The following ZNF462 variants were observed in gnomAD, a reference collection of about 807,000 sequenced individuals.
The protein encoded by ZNF462 is zinc finger protein 462.
ZNF462 carries 10 observed loss-of-function variants against 201.9 expected under a neutral mutation model. The ratio of observed to expected loss-of-function variants is 0.05; its 90% CI spans 0.03 to 0.08. ZNF462 has a LOEUF of 0.08. Ranked by LOEUF, ZNF462 falls within the 10% of genes least tolerant of loss-of-function variation. ZNF462 has a pLI of 1.00. For missense variants in ZNF462, 2,523 were observed against 3,168.3 expected (o/e 0.80, Z 4.89); for synonymous variants, 1,227 against 1,193.3 (o/e 1.03, Z -0.58).
intron 1 of ZNF462, among the ~76,000 whole-genome samples, chr9:106,894,939 T>C (rs1263156606): frequency 3.3e-5 from 5 of 152,210 alleles, no homozygotes; most frequent in Non-Finnish European, 7.3e-5. Context: ...TACACTTGTT[T>C]CTAGCTGCTA....
chr9:106,946,920 T>C (rs1027175802), intron 7 of ZNF462, among the ~76,000 whole-genome samples: 2 of 152,246 alleles, frequency 1.3e-5, no homozygotes, highest in African/African-American at 4.8e-5. Flanking sequence ...TCTGATTGTA[T>C]GTCCCAGGAA....
intron 1 of ZNF462, among the ~76,000 whole-genome samples, chr9:106,863,876 G>T (rs1386630519): frequency 6.6e-6 from 1 of 151,418 alleles, no homozygotes; most frequent in African/African-American, 2.4e-5. Context: ...GGGAGCGAGC[G>T]AGGGTCAGAG....
chr9:106,941,280 C>G (rs1830859039), intron 7 of ZNF462, among the ~76,000 whole-genome samples: 1 of 152,152 alleles, frequency 6.6e-6, no homozygotes, highest in Admixed American at 6.6e-5. Flanking sequence ...CCTCCGACAA[C>G]TTAAAATCAA....
In ZNF462 at chr9:106,962,487, A is replaced by G. The variant is rs1471622345; in HGVS notation, c.6428-9518A>G. On this transcript the variant is annotated intron_variant, in intron 7 of 12. Coordinates refer to ENST00000277225, the MANE Select transcript of ZNF462 (RefSeq NM_021224.6). The surrounding 1 kb of genome is among the most constrained non-coding windows in gnomAD (Gnocchi z 4.6). ...TCAGACCTGCCTGGATTCCTCAAAA[A>G]TATAAAGAAAAAACATGAGGCTTCA... Among the ~76,000 whole-genome samples, 1 of 152,044 alleles carries G rather than the reference A, an allele frequency of 6.6e-6. No homozygotes were observed. The highest frequency in any genetic ancestry group is 2.4e-5 in the African/African-American group (1 of 41,400).
intron 10 of ZNF462, among the ~76,000 whole-genome samples, chr9:106,999,037 T>C (rs1261627977): frequency 6.6e-6 from 1 of 152,184 alleles, no homozygotes; most frequent in Non-Finnish European, 1.5e-5. Flanking sequence ...TATAGGTTTC[T>C]AGTCTGAATT....
chr9:106,867,438 T>C lies in ZNF462; in HGVS notation c.-31+4083T>C, dbSNP rs143866562. On this transcript the variant is annotated intron_variant, in intron 1 of 12. Coordinates refer to ENST00000277225, the MANE Select transcript of ZNF462 (RefSeq NM_021224.6). The stretch of plus-strand genomic sequence containing the variant: ...TTGCGAGCTATGATGCATCCTGCCA[T>C]AAAAAAATTCTTGTTGGATCCTCAC... Among the ~76,000 whole-genome samples the C allele has an allele frequency of 8.2e-3, 1,243 of 152,226 alleles. 14 individuals carry two copies. Among genetic ancestry groups the C allele is most frequent in the Non-Finnish European group, 8.2e-3 (558 of 67,976 alleles).
Position 106,866,041 on chromosome 9 carries a change from A to G in ZNF462, c.-31+2686A>G, listed in dbSNP as rs1401339368. Among the ~76,000 whole-genome samples the G allele has an allele frequency of 7.2e-5, 11 of 152,298 alleles. No individual in the cohort carries two copies. The East Asian group carries it at 2.1e-3, about 29-fold the overall frequency. On this transcript the variant is annotated intron_variant, in intron 1 of 12. Coordinates refer to ENST00000277225, the MANE Select transcript of ZNF462 (RefSeq NM_021224.6). ...TGGAAGAATTTTAGATGAACTGTTG[A>G]AGATAGGTGAGGAGGGCTCCACGGT...
In ZNF462 at chr9:107,013,561, G is replaced by A. The variant is rs372102667; in HGVS notation, c.*2531G>A. 6.6e-5 allele frequency: 10 copies of A among 152,170 alleles called. No individual in the cohort carries two copies. In the East Asian group the frequency reaches 1.5e-3, roughly 24 times the overall value. 9.4% of individuals were successfully genotyped at this position (152,170 alleles called of 1,614,324 possible). A position where few individuals can be genotyped will look rare whatever the true frequency, so the allele number is the denominator to read the frequency against. ...CAAAAACAAAAAAAACCACAAGTAG[G>A]TTATTCAAGTTGTTTGCAACATACA... is the stretch of plus-strand genomic sequence containing the variant. On this transcript the variant is annotated 3_prime_UTR_variant, in exon 13 of 13. Coordinates refer to ENST00000277225, the MANE Select transcript of ZNF462 (RefSeq NM_021224.6).
rs527270149 is a variant in ZNF462 at position 106,957,481 on chromosome 9, C to A, written c.6428-14524C>A. On this transcript the variant is annotated intron_variant, in intron 7 of 12. Coordinates refer to ENST00000277225, the MANE Select transcript of ZNF462 (RefSeq NM_021224.6). ...ATGACACGGACACAGGAAATGAGTA[C>A]CTGTTGCTGGAAAAATGGTGTCAAT... Among the ~76,000 whole-genome samples the A allele has an allele frequency of 4.6e-5, 7 of 152,072 alleles. No homozygotes were observed. The South Asian group carries it at 1.5e-3, about 32-fold the overall frequency.
chr9:106,943,059 C>CGCGCGTGTGTGTGTGT (rs374167214), intron 7 of ZNF462, among the ~76,000 whole-genome samples: 8 of 143,154 alleles, frequency 5.6e-5, no homozygotes, highest in African/African-American at 2.1e-4. Context: ...TTTGCGCGCG[C>CGCGCGTGTGTGTGTGT]GTGTGTGTGT....
chr9:106,871,132 T>C (rs570037543), intron 1 of ZNF462, among the ~76,000 whole-genome samples: 6 of 152,340 alleles, frequency 3.9e-5, no homozygotes, highest in South Asian at 2.1e-4. Context: ...ACTTGAAAGA[T>C]GTTTGCTGCA....
intron 7 of ZNF462, among the ~76,000 whole-genome samples, chr9:106,947,686 A>C (rs1363095040): frequency 6.6e-6 from 1 of 152,200 alleles, no homozygotes; most frequent in Non-Finnish European, 1.5e-5. Flanking sequence ...GGGCACGAGG[A>C]GTGAAATGGT....
rs1451709410 is a variant in ZNF462, at chr9:106,954,751, G to T, written c.6427+15644G>T. On this transcript the variant is annotated intron_variant, in intron 7 of 12. Transcript: ENST00000277225. This position sits in a 1 kb window ranked among gnomAD's most constrained non-coding sequence, Gnocchi z 4.0. Reference sequence around the variant, plus strand: ...TTCTGTGATGCAACAGTGATCTCCCGAGATGTGAGTCAACTCTTCCTCTGA... The same window carrying T: ...TTCTGTGATGCAACAGTGATCTCCCTAGATGTGAGTCAACTCTTCCTCTGA... Among the ~76,000 whole-genome samples the T allele has an allele frequency of 6.6e-6, 1 of 152,008 alleles. No homozygotes were observed. Among genetic ancestry groups the T allele is most frequent in the Non-Finnish European group, 1.5e-5 (1 of 68,010 alleles).
chr9:106,862,957 C>T (rs1827119200), upstream of ZNF462: 6 of 395,656 alleles, frequency 1.5e-5, no homozygotes, highest in East Asian at 2.1e-4. The surrounding 1 kb of genome is among the most constrained non-coding windows in gnomAD (Gnocchi z 4.2). Context: ...TTCCTTCTCT[C>T]TTTCTGTCTT....
At chr9:106,877,353 T>A (rs547777633) in intron 1 of ZNF462, among the ~76,000 whole-genome samples, 1 of 149,578 alleles carries the variant, frequency 6.7e-6, no homozygotes, top group South Asian at 2.1e-4. Context: ...GAAATAAATA[T>A]GTCATTGGAA....
intron 7 of ZNF462, among the ~76,000 whole-genome samples, chr9:106,943,602 C>G (rs2131673777): frequency 6.6e-6 from 1 of 152,302 alleles, no homozygotes; most frequent in East Asian, 1.9e-4. Context: ...CCATGACTTT[C>G]ACTTCCTTTA....
intron 1 of ZNF462, among the ~76,000 whole-genome samples, chr9:106,867,576 A>C (rs1202719393): frequency 2.5e-5 from 2 of 80,826 alleles, no homozygotes; most frequent in Non-Finnish European, 4.9e-5. Flanking sequence ...CTTTTAGAGA[A>C]AAAAAAAAAA....
Position 106,968,584 on chromosome 9 carries a change from T to C in ZNF462, c.6428-3421T>C, listed in dbSNP as rs551874946. Among the ~76,000 whole-genome samples, 103 of 152,182 alleles carry C rather than the reference T, an allele frequency of 6.8e-4. No individual in the cohort carries two copies. Among genetic ancestry groups the C allele is most frequent in the Non-Finnish European group, 1.1e-3 (74 of 68,030 alleles). On this transcript the variant is annotated intron_variant, in intron 7 of 12. Transcript: ENST00000277225. This position sits in a 1 kb window ranked among gnomAD's most constrained non-coding sequence, Gnocchi z 4.0. ...GTTGGTTGGGAATGTATGGTGATGC[T>C]AAGCCATGACCTGCTTTTAAAGGTG...
chr9:106,952,937 C>T (rs1245579926), intron 7 of ZNF462, among the ~76,000 whole-genome samples: 1 of 152,142 alleles, frequency 6.6e-6, no homozygotes, highest in African/African-American at 2.4e-5. Context: ...GCACATCAGC[C>T]TGACTCCAAA....
Sources: allele counts gnomAD v4.1 joint callset (sites outside exome capture counted in the v4.1 genomes callset), GRCh38; gene constraint gnomAD v4.1.1; non-coding constraint Gnocchi (gnomAD v3.1); transcripts MANE v1.5; gene names NCBI Gene and HGNC (gene_info 2026-07-23, HGNC 2026-07-21).